The following PPP1R37 variants were observed in gnomAD, a reference collection of about 807,000 sequenced individuals.
PPP1R37 encodes the protein leucine rich repeat containing 68.
PPP1R37 carries 21 observed loss-of-function variants against 61.0 expected under a neutral mutation model. The observed-to-expected ratio is 0.34, with a 90% CI of 0.24 to 0.50. The LOEUF is 0.50. Among genes scored for constraint, PPP1R37 ranks in the 20% least tolerant of loss-of-function variants. The probability of loss-of-function intolerance (pLI) is 0.98; values close to 1 mark genes in which losing one functional copy is unlikely to be tolerated. For missense variants in PPP1R37, 910 were observed against 952.7 expected (o/e 0.96, Z 0.59); for synonymous variants, 443 against 433.5 (o/e 1.02, Z -0.27).
At chr19:45,132,107 C>T (rs1214490819) in intron 1 of PPP1R37, among the ~76,000 whole-genome samples, 1 of 152,190 alleles carries the variant, frequency 6.6e-6, no homozygotes, top group Non-Finnish European at 1.5e-5. Flanking sequence ...ACCTGTCCTC[C>T]TCTCTGACAG....
chr19:45,118,399 T>C (rs1350187899), intron 1 of PPP1R37, among the ~76,000 whole-genome samples: 1 of 152,142 alleles, frequency 6.6e-6, no homozygotes, highest in Non-Finnish European at 1.5e-5. Flanking sequence ...CTGAAGGTCA[T>C]AGTGGCTCAG....
In PPP1R37 at chr19:45,093,188, G is replaced by C. The variant is rs1274300879; in HGVS notation, c.-138G>C. On this transcript the variant is annotated 5_prime_UTR_variant, in exon 1 of 13. Coordinates refer to ENST00000221462, the MANE Select transcript of PPP1R37 (RefSeq NM_019121.2). ...TTGGGCTCCCGGCGGCGACGACTAC[G>C]ACCACTAGGAGAGCGGACGGAGGCG... The C allele has an allele frequency of 1.3e-5, 9 of 682,232 alleles. No homozygotes were observed. The highest frequency in any genetic ancestry group is 1.9e-5 in the African/African-American group (1 of 53,100). 42.3% of individuals were successfully genotyped at this position (682,232 alleles called of 1,614,324 possible).
At chr19:45,125,710 A>G (rs1486522025) in intron 1 of PPP1R37, among the ~76,000 whole-genome samples, 2 of 152,124 alleles carry the variant, frequency 1.3e-5, no homozygotes, top group South Asian at 2.1e-4. Flanking sequence ...CGGGGCACCT[A>G]TCCACTCCTA....
intron 1 of PPP1R37, among the ~76,000 whole-genome samples, chr19:45,123,620 A>G (rs1345944419): frequency 2.6e-5 from 4 of 152,122 alleles, no homozygotes; most frequent in Non-Finnish European, 5.9e-5. Context: ...GTAGCGTGGT[A>G]GAGGCTGGAA....
intron 1 of PPP1R37, among the ~76,000 whole-genome samples, chr19:45,109,463 G>A (rs1443741907): frequency 2.6e-5 from 4 of 152,298 alleles, no homozygotes; most frequent in South Asian, 4.1e-4. Context: ...AAAAGGGTTA[G>A]CAGGTTACAG....
At chr19:45,101,628 G>A (rs1968063799) in intron 1 of PPP1R37, among the ~76,000 whole-genome samples, 2 of 152,224 alleles carry the variant, frequency 1.3e-5, no homozygotes, top group South Asian at 4.1e-4. Flanking sequence ...TGAGGTGGAA[G>A]GATCACTTGA....
At position 45,121,279 on chromosome 19, in the gene PPP1R37, C is replaced by T. The variant is rs1968339654; in HGVS notation, c.203-17235C>T. Among the ~76,000 whole-genome samples, 1 of 152,188 alleles carries T rather than the reference C, an allele frequency of 6.6e-6. No homozygotes were observed. Among genetic ancestry groups the T allele is most frequent in the Non-Finnish European group, 1.5e-5 (1 of 68,038 alleles). ...TGGAAGAGGGGGTCAGAAGCACAGA[C>T]CTGCATTTACACTCACACTCTGGGA... On this transcript the variant is annotated intron_variant, in intron 1 of 12. Coordinates refer to ENST00000221462, the MANE Select transcript of PPP1R37 (RefSeq NM_019121.2). The surrounding 1 kb of genome is among the most constrained non-coding windows in gnomAD (Gnocchi z 4.2).
intron 1 of PPP1R37, among the ~76,000 whole-genome samples, chr19:45,123,908 C>T (rs965913813): frequency 6.6e-6 from 1 of 152,194 alleles, no homozygotes; most frequent in African/African-American, 2.4e-5. Context: ...CCGGGCCCTT[C>T]CTGGCCAGAA....
rs1968700461 is a variant in PPP1R37, at chr19:45,146,382, C to T, written c.1994-8C>T. 1 of 1,535,204 alleles carries T rather than the reference C, an allele frequency of 6.5e-7. No homozygotes were observed. Among genetic ancestry groups the T allele is most frequent in the South Asian group, 1.2e-5 (1 of 83,998 alleles). ...CTGACGGGGGTGCTGGCCCGTCCTC[C>T]CACACAGAACTGAGCTGCTCCAAGA... is the stretch of plus-strand genomic sequence containing the variant. On this transcript the variant is annotated splice_polypyrimidine_tract_variant and splice_region_variant and intron_variant, in intron 11 of 12. Coordinates refer to ENST00000221462, the MANE Select transcript of PPP1R37 (RefSeq NM_019121.2).
intron 7 of PPP1R37, 144 bp downstream of exon 7, chr19:45,142,602 C>T (rs1166587223): frequency 1.5e-5 from 13 of 842,214 alleles, no homozygotes; most frequent in East Asian, 2.7e-5. Flanking sequence ...AAGACAGACC[C>T]GCCCTAGACA....
chr19:45,108,306 C>T (rs1432933360), intron 1 of PPP1R37, among the ~76,000 whole-genome samples: 2 of 152,032 alleles, frequency 1.3e-5, no homozygotes, highest in African/African-American at 4.8e-5. Flanking sequence ...ACCTCCTAGG[C>T]TCAAGCCATT....
intron 1 of PPP1R37, among the ~76,000 whole-genome samples, chr19:45,126,916 G>A (rs752298692): frequency 2.0e-5 from 3 of 152,238 alleles, no homozygotes; most frequent in Non-Finnish European, 4.4e-5. Flanking sequence ...GCTGCTCAGG[G>A]GCTGGTGATG....
chr19:45,146,036 C>T lies in PPP1R37; in HGVS notation c.1980C>T (p.Cys660=), dbSNP rs1415863225. Reference sequence around the variant, plus strand: ...GGCCTGAGGTCAAGGGGGGCAGCTGCGGCCTGGAGCACGGTGAGAGGGGCC... The same window carrying T: ...GGCCTGAGGTCAAGGGGGGCAGCTGTGGCCTGGAGCACGGTGAGAGGGGCC... ...PPGPEVKGGS[C]GLEHELSCSK... Residue 660 remains cysteine (C), a synonymous_variant, in exon 11 of 13, where the codon TGC becomes TGT. Coordinates refer to ENST00000221462, the MANE Select transcript of PPP1R37 (RefSeq NM_019121.2). 3.9e-6 allele frequency: 6 copies of T among 1,529,392 alleles called. No homozygotes were observed. The highest frequency in any genetic ancestry group is 2.5e-5 in the East Asian group (1 of 40,720). 94.7% of individuals were successfully genotyped at this position (1,529,392 alleles called of 1,614,324 possible).
At chr19:45,125,585 T>C (rs1396482649) in intron 1 of PPP1R37, among the ~76,000 whole-genome samples, 1 of 152,188 alleles carries the variant, frequency 6.6e-6, no homozygotes, top group Non-Finnish European at 1.5e-5. Flanking sequence ...TTAACCACCC[T>C]AGTGGGAAGA....
At chr19:45,131,626 G>A (rs541384043) in intron 1 of PPP1R37, among the ~76,000 whole-genome samples, 10 of 152,240 alleles carry the variant, frequency 6.6e-5, no homozygotes, top group Non-Finnish European at 1.5e-4. Context: ...GGCGGCTCAC[G>A]CCTGTAATTC....
rs769944179 is a variant in PPP1R37 at position 45,145,091 on chromosome 19, C to T, written c.1130-3C>T. 6.5e-7 allele frequency: 1 copy of T among 1,532,456 alleles called. No individual in the cohort carries two copies. The highest frequency in any genetic ancestry group is 8.7e-7 in the Non-Finnish European group (1 of 1,145,378). 94.9% of individuals were successfully genotyped at this position (1,532,456 alleles called of 1,614,324 possible). A position where few individuals can be genotyped will look rare whatever the true frequency, so the allele number is the denominator to read the frequency against. On this transcript the variant is annotated splice_polypyrimidine_tract_variant and splice_region_variant and intron_variant, in intron 9 of 12. Coordinates refer to ENST00000221462, the MANE Select transcript of PPP1R37 (RefSeq NM_019121.2). Reference sequence around the variant, plus strand: ...GTGGCCAGCCCCTGCGGTGCCCCCCCAGGCGCGGTGGCGGTGGCGGAGTTC... The same window carrying T: ...GTGGCCAGCCCCTGCGGTGCCCCCCTAGGCGCGGTGGCGGTGGCGGAGTTC...
chr19:45,119,991 C>T (rs998609549), intron 1 of PPP1R37, among the ~76,000 whole-genome samples: 11 of 148,812 alleles, frequency 7.4e-5, no homozygotes, highest in Non-Finnish European at 1.6e-4. Flanking sequence ...AAATGAGGAG[C>T]ACAGATTTTT....
rs562677312 is a variant in PPP1R37, at chr19:45,118,842, G to A, written c.203-19672G>A. ...CACCCAGGTGGCTGCCTCCACAGCCGGGCTGGGCTTTATAACTAATTCTGT... is the reference window on the plus strand; with the variant it reads ...CACCCAGGTGGCTGCCTCCACAGCCAGGCTGGGCTTTATAACTAATTCTGT... On this transcript the variant is annotated intron_variant, in intron 1 of 12. Coordinates refer to ENST00000221462, the MANE Select transcript of PPP1R37 (RefSeq NM_019121.2). Among the ~76,000 whole-genome samples the A allele has an allele frequency of 7.9e-4, 120 of 152,304 alleles. 1 individual carries two copies. The highest frequency in any genetic ancestry group is 3.4e-3 in the Middle Eastern group (1 of 294).
At chr19:45,115,043 C>T (rs529687201) in intron 1 of PPP1R37, among the ~76,000 whole-genome samples, 3 of 152,162 alleles carry the variant, frequency 2.0e-5, no homozygotes, top group Non-Finnish European at 2.9e-5. Context: ...CTTAGTGGTT[C>T]AGGCATGCAT....
Sources: allele counts gnomAD v4.1 joint callset (sites outside exome capture counted in the v4.1 genomes callset), GRCh38; gene constraint gnomAD v4.1.1; non-coding constraint Gnocchi (gnomAD v3.1); transcripts MANE v1.5; gene names NCBI Gene and HGNC (gene_info 2026-07-23, HGNC 2026-07-21).